The following PLGRKT variants were observed in gnomAD, a reference collection of about 807,000 sequenced individuals.
PLGRKT encodes the protein plasminogen receptor with a C-terminal lysine, also known as plasminogen receptor (KT).
In PLGRKT, 22 loss-of-function variants were observed where a neutral mutation model predicts 18.5. The observed-to-expected ratio is 1.19, with a 90% CI of 0.85 to 1.70. The LOEUF (loss-of-function observed/expected upper bound fraction) is 1.70. PLGRKT is among the 40% of genes most tolerant of loss of function. PLGRKT has a pLI of 0.00. For synonymous variants in PLGRKT, 72 were observed against 52.8 expected, an observed-to-expected ratio of 1.36 and a Z score of -1.58; for missense variants, 235 against 174.4, an observed-to-expected ratio of 1.35 and a Z score of -1.96.
chr9:5,434,065 G>GCCA (rs1818901417), intron 2 of PLGRKT, among the ~76,000 whole-genome samples: 1 of 147,606 alleles, frequency 6.8e-6, no homozygotes, highest in African/African-American at 2.5e-5. Context: ...CTGCCCGGCC[G>GCCA]CCCCATCTGG....
intron 3 of PLGRKT, among the ~76,000 whole-genome samples, chr9:5,375,951 A>G (rs917610954): frequency 4.6e-5 from 7 of 152,236 alleles, no homozygotes; most frequent in Non-Finnish European, 1.0e-4. Flanking sequence ...AAGCAACCCA[A>G]GTGCATATCA....
intron 2 of PLGRKT, among the ~76,000 whole-genome samples, chr9:5,432,680 T>G (rs1009859286): frequency 6.6e-6 from 1 of 152,156 alleles, no homozygotes; most frequent in Admixed American, 6.5e-5. Flanking sequence ...GTATTTTTGG[T>G]GGAGACGGGG....
In PLGRKT at chr9:5,430,476, G is replaced by C. The variant is rs79640981; in HGVS notation, c.81+1421C>G. 1.8e-3 allele frequency among the ~76,000 whole-genome samples: 276 copies of C among 152,314 alleles called. 1 individual carries two copies. The highest frequency in any genetic ancestry group is 3.1e-3 in the Non-Finnish European group (210 of 68,032). ...TATTCTGCATAAGACACTCTTGTCA[G>C]TCATTAAAAACAATAATAGTAACAA... On this transcript the variant is annotated intron_variant, in intron 3 of 5. Transcript: ENST00000223864.
At chr9:5,426,994 G>T (rs959082039) in intron 3 of PLGRKT, among the ~76,000 whole-genome samples, 5 of 152,086 alleles carry the variant, frequency 3.3e-5, no homozygotes, top group African/African-American at 1.2e-4. Context: ...ATAATAACAG[G>T]CTAATTTATT....
chr9:5,434,825 A>G (rs2131184759), intron 2 of PLGRKT, among the ~76,000 whole-genome samples: 1 of 151,362 alleles, frequency 6.6e-6, no homozygotes, highest in East Asian at 1.9e-4. Context: ...CCGAAGAGAC[A>G]GCGACCATCG....
chr9:5,437,418 C>T (rs1167112573), intron 1 of PLGRKT, among the ~76,000 whole-genome samples: 1 of 152,216 alleles, frequency 6.6e-6, no homozygotes, highest in Non-Finnish European at 1.5e-5. Flanking sequence ...AATTCCAGCC[C>T]AGAGCCCACA....
At chr9:5,375,365 G>C (rs1301869224) in intron 3 of PLGRKT, among the ~76,000 whole-genome samples, 1 of 152,152 alleles carries the variant, frequency 6.6e-6, no homozygotes, top group South Asian at 2.1e-4. Flanking sequence ...TGGTGGAAAG[G>C]AAAATGCATG....
chr9:5,423,083 T>C (rs544814125), intron 3 of PLGRKT, among the ~76,000 whole-genome samples: 6 of 152,334 alleles, frequency 3.9e-5, no homozygotes, highest in East Asian at 1.9e-4. Flanking sequence ...TATGGCTCCA[T>C]AGTCTGCTGG....
intron 3 of PLGRKT, among the ~76,000 whole-genome samples, chr9:5,405,910 A>T (rs1328450685): frequency 6.6e-6 from 1 of 152,224 alleles, no homozygotes; most frequent in Non-Finnish European, 1.5e-5. Flanking sequence ...GAAAATTTAC[A>T]AGAAAAAAAC....
chr9:5,400,751 A>G lies in PLGRKT; in HGVS notation c.81+31146T>C, dbSNP rs1818138930. Among the ~76,000 whole-genome samples, 4 of 152,154 alleles carry G rather than the reference A, an allele frequency of 2.6e-5. No homozygotes were observed. The South Asian group carries it at 8.3e-4, about 32-fold the overall frequency. On this transcript the variant is annotated intron_variant, in intron 3 of 5. Transcript: ENST00000223864. Reference sequence around the variant, plus strand: ...ATTGTTATTGTTTAATAAGCATTGAATAAGTAAACCAGTATTATTCTCTTT... The same window carrying G: ...ATTGTTATTGTTTAATAAGCATTGAGTAAGTAAACCAGTATTATTCTCTTT...
At chr9:5,358,515 T>A (rs1255578214) in intron 5 of PLGRKT, among the ~76,000 whole-genome samples, 155 bp from the exon 6 acceptor site, 1 of 152,144 alleles carries the variant, frequency 6.6e-6, no homozygotes, top group Non-Finnish European at 1.5e-5. Context: ...AGTAATATAC[T>A]TCCCAGAGGA....
At chr9:5,407,247 TCCTAAC>T (rs1818274819) in intron 3 of PLGRKT, among the ~76,000 whole-genome samples, 1 of 152,124 alleles carries the variant, frequency 6.6e-6, no homozygotes. Flanking sequence ...ATAAATAAAA[TCCTAAC>T]CCAATGGCCC....
chr9:5,380,322 G>T (rs2131092545), intron 3 of PLGRKT, among the ~76,000 whole-genome samples: 1 of 149,218 alleles, frequency 6.7e-6, no homozygotes, highest in South Asian at 2.1e-4. Context: ...AGCCGAGATT[G>T]CGCCACTGCA....
chr9:5,383,977 T>A (rs1817794886), intron 3 of PLGRKT, among the ~76,000 whole-genome samples: 1 of 152,156 alleles, frequency 6.6e-6, no homozygotes, highest in Admixed American at 6.5e-5. Context: ...TTGCGGGGCC[T>A]GGGAAACAGT....
intron 5 of PLGRKT, 130 bp from the exon 6 acceptor site, chr9:5,358,490 A>C (rs1817188221): frequency 3.0e-6 from 2 of 662,318 alleles, no homozygotes; most frequent in Non-Finnish European, 5.0e-6. Context: ...ACACTTAAAC[A>C]TTTTCCTCAG....
At chr9:5,424,668 T>TTATATATATATATGTATATATATATATA (rs1818655104) in intron 3 of PLGRKT, among the ~76,000 whole-genome samples, 1 of 113,170 alleles carries the variant, frequency 8.8e-6, no homozygotes, top group African/African-American at 4.1e-5. Context: ...ATTATATATT[T>TTATATATATATATGTATATATATATATA]TATATATATA....
rs1431558073 is a variant in PLGRKT, at chr9:5,361,842, A to G, written c.128T>C (p.Met43Thr). ...CCGAGACCACGCAATCTGCATGGCC[A>G]TTTGTCTTTCCCTCATTTCACTCTG... ...IMQSEMRERQ[M>T]AMQIAWSREF... Residue 43 changes from methionine (M) to threonine (T), a missense_variant, in exon 4 of 6, where the codon ATG becomes ACG. Transcript: ENST00000223864. 1 of 1,612,514 alleles carries G rather than the reference A, an allele frequency of 6.2e-7. No homozygotes were observed.
intron 3 of PLGRKT, among the ~76,000 whole-genome samples, chr9:5,396,410 C>T (rs984842280): frequency 8.6e-5 from 13 of 151,686 alleles, no homozygotes; most frequent in Non-Finnish European, 1.2e-4. Context: ...CTCAGCCTCC[C>T]GAGTAGCTGG....
rs201541927 is a variant in PLGRKT, at chr9:5,424,691, T to TATATATATATACAC, written c.81+7205_81+7206insGTGTATATATATAT. ...TTTTATATATATATATATATATATATACACACAGGGGGGGGAGAGAGGGAG... is the reference window on the plus strand; with the variant it reads ...TTTTATATATATATATATATATATATATATATATATACACACACACAGGGGGGGGAGAGAGGGAG... On this transcript the variant is annotated intron_variant, in intron 3 of 5. Transcript: ENST00000223864. Among the ~76,000 whole-genome samples, 10 of 70,484 alleles carry TATATATATATACAC rather than the reference T, an allele frequency of 1.4e-4. 1 individual carries two copies. The highest frequency in any genetic ancestry group is 6.1e-4 in the African/African-American group (10 of 16,360). The allele number at this position is 70,484 out of a possible 152,430, so 46.2% of individuals were successfully genotyped here. A position where few individuals can be genotyped will look rare whatever the true frequency, so the allele number is the denominator to read the frequency against.
Sources: allele counts gnomAD v4.1 joint callset (sites outside exome capture counted in the v4.1 genomes callset), GRCh38; gene constraint gnomAD v4.1.1; transcripts MANE v1.5; gene names NCBI Gene and HGNC (gene_info 2026-07-23, HGNC 2026-07-21).